DST: variants seen among roughly 807,000 people sequenced by gnomAD.
DST encodes bullous pemphigoid antigen.
DST carries 253 observed loss-of-function variants against 875.2 expected under a neutral mutation model. The observed-to-expected ratio is 0.29, with a 90% CI of 0.26 to 0.32. DST has a LOEUF of 0.32. Among genes scored for constraint, DST ranks in the 10% least tolerant of loss-of-function variants. The pLI is 1.00. For synonymous variants in DST, 3,124 were observed against 3,197.1 expected (o/e 0.98, Z 0.77); for missense variants, 8,287 against 9,111.6 (o/e 0.91, Z 3.68).
intron 5 of DST, among the ~76,000 whole-genome samples, chr6:56,710,796 A>G (rs1185880317): frequency 3.3e-5 from 5 of 152,186 alleles, no homozygotes; most frequent in Non-Finnish European, 7.4e-5. Flanking sequence ...TTCATATTCT[A>G]CCTAAATTAT....
chr6:56,633,200 T>TTTG (rs545439480), intron 27 of DST, among the ~76,000 whole-genome samples, 163 bp from the exon 28 acceptor site: 143 of 151,772 alleles, frequency 9.4e-4, no homozygotes, highest in African/African-American at 3.2e-3. Context: ...AGGTGGTTTT[T>TTTG]TTTTGTTTTT....
At chr6:56,567,281 TAAC>T (rs2097695183) in intron 55 of DST, among the ~76,000 whole-genome samples, 1 of 152,080 alleles carries the variant, frequency 6.6e-6, no homozygotes, top group African/African-American at 2.4e-5. Flanking sequence ...AAAAACATAA[TAAC>T]AAGTCTAAAC....
chr6:56,719,536 C>G (rs576488495), intron 5 of DST, among the ~76,000 whole-genome samples: 1 of 152,194 alleles, frequency 6.6e-6, no homozygotes. Context: ...TTGACACACA[C>G]GTAACTGAAC....
At chr6:56,728,410 T>C (rs1032178740) in intron 5 of DST, among the ~76,000 whole-genome samples, 1 of 152,196 alleles carries the variant, frequency 6.6e-6, no homozygotes, top group African/African-American at 2.4e-5. Flanking sequence ...CTGTTTCCAA[T>C]TAAAGCAGGT....
At chr6:56,573,546 C>G (rs1274257339) in intron 51 of DST, 133 bp downstream of exon 51, 1 of 670,596 alleles carries the variant, frequency 1.5e-6, no homozygotes, top group Non-Finnish European at 2.5e-6. Flanking sequence ...GCAAGCATTA[C>G]TTTCCACACT....
intron 39 of DST, 91 bp from the exon 40 acceptor site, chr6:56,609,435 T>C: frequency 1.1e-6 from 1 of 902,102 alleles, no homozygotes; most frequent in Non-Finnish European, 1.7e-6. Flanking sequence ...AAATAAATAA[T>C]ACATTTCAAC....
chr6:56,613,819 A>C (rs771275580), intron 37 of DST, among the ~76,000 whole-genome samples: 2 of 152,216 alleles, frequency 1.3e-5, no homozygotes, highest in Non-Finnish European at 2.9e-5. Context: ...CACTAGGATA[A>C]GGGATAGTAT....
In DST at chr6:56,840,475, T is replaced by C. The variant is rs527700394; in HGVS notation, c.625+10922A>G. Among the ~76,000 whole-genome samples, 310 of 152,300 alleles carry C rather than the reference T, an allele frequency of 2.0e-3. 1 individual carries two copies. Among genetic ancestry groups the C allele is most frequent in the African/African-American group, 6.8e-3 (282 of 41,568 alleles). ...AAGTTTGGTATCAGCTGAAGAAATA[T>C]GTTTTTTTAATCAGATGTCCCTGAA... On this transcript the variant is annotated intron_variant, in intron 4 of 103. Transcript: ENST00000680361.
intron 4 of DST, among the ~76,000 whole-genome samples, chr6:56,753,108 A>T (rs1367586213): frequency 6.6e-6 from 1 of 152,056 alleles, no homozygotes; most frequent in Non-Finnish European, 1.5e-5. Context: ...TATCTGTTTC[A>T]TCTCTTTGAT....
chr6:56,552,882 A>T lies in DST; in HGVS notation c.15910T>A (p.Ser5304Thr), dbSNP rs1562741119. The change falls in exon 61 of 104, where the codon TCC becomes ACC. Residue 5304 changes from serine (S) to threonine (T), a missense_variant. Physicochemically the swap from Ser to Thr is moderately conservative, Grantham distance 58. Coordinates refer to ENST00000680361, the MANE Select transcript of DST (RefSeq NM_001374736.1). ...AGGTATTTGTTACTGTAAGCCTGGG[A>T]TCCCAGCGAATCATGGATATCTAGC... Reference protein sequence around the residue: ...EQLDIHDSLGSQAYSNKYLTM... With the variant: ...EQLDIHDSLGTQAYSNKYLTM... 6.2e-7 allele frequency: 1 copy of T among 1,613,988 alleles called. No homozygotes were observed. Among genetic ancestry groups the T allele is most frequent in the Non-Finnish European group, 8.5e-7 (1 of 1,179,882 alleles).
At chr6:56,569,009 A>C (rs6926648) in intron 54 of DST, among the ~76,000 whole-genome samples, 59,074 of 151,946 alleles carry the variant, frequency 0.39, 11,788 homozygotes, top group Admixed American at 0.44. Context: ...TTTAATCCTA[A>C]AAATTTCAAT....
chr6:56,876,519 C>T (rs1235734567), intron 3 of DST, among the ~76,000 whole-genome samples: 1 of 152,154 alleles, frequency 6.6e-6, no homozygotes, highest in Non-Finnish European at 1.5e-5. Context: ...ATTTCCTGTT[C>T]TTCTTCATCA....
rs188595508 is a variant in DST, at chr6:56,588,216, A to G, written c.12903+3966T>C. On this transcript the variant is annotated intron_variant, in intron 49 of 103. Transcript: ENST00000680361. Reference sequence around the variant, plus strand: ...ATGCTATAGTCTAAAAGGTCCAATGAAATCTATTCCCTAATTCTACCTTCA... The same window carrying G: ...ATGCTATAGTCTAAAAGGTCCAATGGAATCTATTCCCTAATTCTACCTTCA... 9.2e-5 allele frequency among the ~76,000 whole-genome samples: 14 copies of G among 152,334 alleles called. No individual in the cohort carries two copies. In the East Asian group the frequency reaches 2.7e-3, roughly 29 times the overall value.
rs951908413 is a variant in DST at position 56,458,377 on chromosome 6, A to C, written c.*628T>G. On this transcript the variant is annotated 3_prime_UTR_variant, in exon 104 of 104. Transcript: ENST00000680361. ...ATGTATATGAACGCACTTTATACTT[A>C]TATTCTTACAGTATAATAGGTCTAA... 3.5e-4 allele frequency: 54 copies of C among 152,388 alleles called. No individual in the cohort carries two copies. Among genetic ancestry groups the C allele is most frequent in the African/African-American group, 1.3e-3 (52 of 41,468 alleles). The allele number at this position is 152,388 out of a possible 1,614,324, so 9.4% of individuals were successfully genotyped here. A position where few individuals can be genotyped will look rare whatever the true frequency, so the allele number is the denominator to read the frequency against.
intron 93 of DST, among the ~76,000 whole-genome samples, chr6:56,472,660 C>T (rs1219568644): frequency 6.6e-6 from 1 of 152,168 alleles, no homozygotes; most frequent in African/African-American, 2.4e-5. Flanking sequence ...CAGATGAGGG[C>T]AGCAGGCACT....
At position 56,851,515 on chromosome 6, in the gene DST, T is replaced by C. The variant is rs748902412; in HGVS notation, c.507A>G (p.Ala169=). The C allele has an allele frequency of 6.2e-7, 1 of 1,614,052 alleles. No homozygotes were observed. The highest frequency in any genetic ancestry group is 1.1e-5 in the South Asian group (1 of 91,076). The change falls in exon 4 of 104, where the codon GCA becomes GCG. Residue 169 remains alanine, a synonymous_variant. Transcript: ENST00000680361. ...EDDFSQKSGS[A]SPAPGDTLPW... ...GTAAGGTGTCTCCCGGAGCTGGGGA[T>C]GCGGAGCCAGATTTCTGGCTGAAAT...
chr6:56,820,291 G>A (rs1284297503), intron 4 of DST, among the ~76,000 whole-genome samples: 2 of 152,206 alleles, frequency 1.3e-5, no homozygotes, highest in Non-Finnish European at 1.5e-5. Flanking sequence ...CAGTGTACAT[G>A]TTCTGTAAGT....
chr6:56,564,149 CT>C (rs763576335), intron 55 of DST, among the ~76,000 whole-genome samples: 19 of 152,176 alleles, frequency 1.2e-4, no homozygotes, highest in Non-Finnish European at 2.8e-4. Flanking sequence ...AGCACTGAAT[CT>C]ACAAATTACT....
At chr6:56,762,029 T>C in intron 4 of DST, among the ~76,000 whole-genome samples, 1 of 151,504 alleles carries the variant, frequency 6.6e-6, no homozygotes, top group East Asian at 1.9e-4. Context: ...CCAGAAATGT[T>C]TTTTTTTTGA....
Sources: allele counts gnomAD v4.1 joint callset (sites outside exome capture counted in the v4.1 genomes callset), GRCh38; gene constraint gnomAD v4.1.1; transcripts MANE v1.5; gene names NCBI Gene and HGNC (gene_info 2026-07-23, HGNC 2026-07-21).